ATM: variants seen among roughly 807,000 people sequenced by gnomAD.
ATM encodes the protein ATM serine/threonine kinase, also known as serine-protein kinase ATM.
In ATM, 308 loss-of-function variants were observed where a neutral mutation model predicts 387.0. That is an observed-to-expected ratio of 0.80 (90% CI 0.73 to 0.87). ATM has a LOEUF of 0.87. Among genes scored for constraint, ATM ranks in the 40% least tolerant of loss-of-function variants. ATM has a pLI of 0.00. For synonymous variants in ATM, 1,156 were observed against 1,187.3 expected (o/e 0.97, Z 0.54); for missense variants, 3,312 against 3,560.9 (o/e 0.93, Z 1.78).
chr11:108,249,097 G>A lies in ATM; in HGVS notation c.1230G>A (p.Val410=), dbSNP rs1555069869. The change falls in exon 9 of 63, where the codon GTG becomes GTA. Residue 410 remains valine (V), a synonymous_variant. Transcript: ENST00000675843. ...LQKSQNDFDL[V]PWLQIATQLI... is the part of the protein sequence containing the mutation. ...AGTCACAGAATGATTTTGATCTTGT[G>A]CCTTGGTAAAGTGTTACCATTTTCT... is the stretch of plus-strand genomic sequence containing the variant. 1.9e-6 allele frequency: 3 copies of A among 1,613,868 alleles called. No individual in the cohort carries two copies. Among genetic ancestry groups the A allele is most frequent in the Non-Finnish European group, 2.5e-6 (3 of 1,179,944 alleles).
intron 5 of ATM, among the ~76,000 whole-genome samples, chr11:108,238,474 T>C (rs916430052): frequency 3.3e-5 from 5 of 152,174 alleles, no homozygotes; most frequent in African/African-American, 4.8e-5. Context: ...TTATTTATAA[T>C]TGTATAAACA....
chr11:108,238,240 G>A (rs1013220637), intron 5 of ATM, among the ~76,000 whole-genome samples: 1 of 151,658 alleles, frequency 6.6e-6, no homozygotes. Context: ...TGTCTTTTTT[G>A]ATTTCTTTCA....
chr11:108,306,425 C>T (rs1312021131), intron 37 of ATM, among the ~76,000 whole-genome samples: 1 of 152,044 alleles, frequency 6.6e-6, no homozygotes, highest in African/African-American at 2.4e-5. Context: ...GCATTTAAAA[C>T]TTTAATATGT....
At position 108,272,837 on chromosome 11, in the gene ATM, C is replaced by T. The variant is rs1591610246; in HGVS notation, c.3269C>T (p.Ala1090Val). The change falls in exon 22 of 63, where the codon GCA (alanine) becomes GTA (valine). Residue 1090 changes from alanine (A) to valine (V), a missense_variant. Ala to Val is a moderately conservative substitution (Grantham distance 64). Transcript: ENST00000675843. ...DNHHQVRMLA[A>V]ESINRLFQDT... is the part of the protein sequence containing the mutation. ...CATCACCAAGTTCGCATGTTGGCTG[C>T]AGAGTCAATCAATAGGTAATGGGTC... is the stretch of plus-strand genomic sequence containing the variant. 2 of 1,614,014 alleles carry T rather than the reference C, an allele frequency of 1.2e-6. No homozygotes were observed. The highest frequency in any genetic ancestry group is 1.7e-6 in the Non-Finnish European group (2 of 1,179,992).
chr11:108,266,896 A>G (rs905043675), intron 16 of ATM, among the ~76,000 whole-genome samples: 3 of 151,464 alleles, frequency 2.0e-5, no homozygotes, highest in Middle Eastern at 3.2e-3. Context: ...CCTGAGTTCA[A>G]GTGATTCTCC....
Position 108,271,079 on chromosome 11 carries a change from A to C in ATM, c.2854A>C (p.Lys952Gln). ...ACCATCTTAGTATCTAATGCTTTTA[A>C]AGGAGCTTCCTGGAGAAGAGTACCC... ...LHLHMYLMLL[K>Q]ELPGEEYPLP... Residue 952 changes from lysine (K) to glutamine (Q), a missense_variant, in exon 19 of 63, where the codon AAG (lysine) becomes CAG (glutamine). Around this residue, in one of 4 missense-constraint regions of ATM, gnomAD observed 1,791 missense variants for 1,804.5 expected, o/e 0.99. Coordinates refer to ENST00000675843, the MANE Select transcript of ATM (RefSeq NM_000051.4). The C allele has an allele frequency of 6.2e-7, 1 of 1,613,992 alleles. No individual in the cohort carries two copies. The highest frequency in any genetic ancestry group is 8.5e-7 in the Non-Finnish European group (1 of 1,179,954).
chr11:108,294,860 TTTA>T (rs2083028240), intron 31 of ATM, 64 bp from the exon 32 acceptor site: 2 of 1,584,296 alleles, frequency 1.3e-6, no homozygotes, highest in East Asian at 4.5e-5. Context: ...ATTTTTTTCT[TTTA>T]TTAAGTTTTA....
chr11:108,256,692 G>A (rs989850579), intron 14 of ATM, among the ~76,000 whole-genome samples: 9 of 151,888 alleles, frequency 5.9e-5, no homozygotes, highest in African/African-American at 1.9e-4. Context: ...GTCAGGCCCT[G>A]GTGTATAATG....
At chr11:108,317,648 T>TAC (rs1453200885) in intron 43 of ATM, 127 bp downstream of exon 43, 93 of 133,376 alleles carry the variant, frequency 7.0e-4, no homozygotes, top group African/African-American at 2.2e-3. Flanking sequence ...TATATATATA[T>TAC]ATATACACAC....
chr11:108,252,259 GA>G (rs2080196344), intron 11 of ATM, among the ~76,000 whole-genome samples: 1 of 152,166 alleles, frequency 6.6e-6, no homozygotes, highest in Admixed American at 6.5e-5. Context: ...GGATGTGCAT[GA>G]AAAATGCACA....
At chr11:108,311,310 G>T (rs766700955) in intron 39 of ATM, among the ~76,000 whole-genome samples, 1 of 152,066 alleles carries the variant, frequency 6.6e-6, no homozygotes, top group Non-Finnish European at 1.5e-5. Context: ...ACCCATTTGT[G>T]TACAGAAATG....
At chr11:108,359,443 G>A (rs1444827843) in intron 61 of ATM, among the ~76,000 whole-genome samples, 4 of 151,980 alleles carry the variant, frequency 2.6e-5, no homozygotes, top group Non-Finnish European at 5.9e-5. Context: ...GCACCAAGCG[G>A]ACCTAATAGA....
chr11:108,252,127 TA>T (rs2080187936), intron 11 of ATM, 96 bp downstream of exon 11: 1 of 1,092,294 alleles, frequency 9.2e-7, no homozygotes, highest in Admixed American at 2.2e-5. Context: ...TTTATAATAA[TA>T]ATGCAGAATT....
At chr11:108,247,249 C>G (rs1020724217) in intron 8 of ATM, 122 bp downstream of exon 8, 3 of 837,362 alleles carry the variant, frequency 3.6e-6, no homozygotes, top group South Asian at 1.5e-5. Context: ...TCTGTACATG[C>G]AACTATTCCT....
chr11:108,236,739 T>G (rs1320342806), intron 5 of ATM, among the ~76,000 whole-genome samples: 1 of 152,144 alleles, frequency 6.6e-6, no homozygotes, highest in Non-Finnish European at 1.5e-5. Flanking sequence ...TCATTAGATG[T>G]GTAGAGTGTG....
intron 5 of ATM, 53 bp from the exon 6 acceptor site, chr11:108,243,900 A>T (rs2135219952): frequency 1.4e-6 from 2 of 1,434,278 alleles, no homozygotes; most frequent in South Asian, 1.3e-5. Context: ...GTAACATTTA[A>T]TACATTTTGA....
At chr11:108,276,541 T>G (rs1176800566) in intron 22 of ATM, among the ~76,000 whole-genome samples, 1 of 152,156 alleles carries the variant, frequency 6.6e-6, no homozygotes, top group Admixed American at 6.5e-5. Context: ...TTGTATGGGG[T>G]TTCTGTGTGG....
At chr11:108,333,297 A>C (rs932531894) in intron 53 of ATM, among the ~76,000 whole-genome samples, 1 of 152,182 alleles carries the variant, frequency 6.6e-6, no homozygotes, top group Non-Finnish European at 1.5e-5. Context: ...CATTTCTTCC[A>C]TAGGTGCTAA....
chr11:108,250,624 A>G, intron 9 of ATM, 77 bp from the exon 10 acceptor site: 2 of 1,419,396 alleles, frequency 1.4e-6, no homozygotes, highest in Non-Finnish European at 2.0e-6. Flanking sequence ...TTGTAAGAGT[A>G]CCATGTCTAT....
Sources: gnomAD v4.1 joint callset for allele counts (sites outside exome capture counted in the v4.1 genomes callset) on GRCh38, gnomAD v4.1.1 for gene constraint, gnomAD v4.1.1 regional missense constraint, MANE v1.5 for transcripts, NCBI Gene and HGNC (gene_info 2026-07-23, HGNC 2026-07-21) for gene names.